KIRREL3: variants seen among roughly 807,000 people sequenced by gnomAD.
KIRREL3 encodes kin of IRRE-like protein 3.
A neutral mutation model predicts 89.7 loss-of-function variants in KIRREL3; 36 were observed. That is an observed-to-expected ratio of 0.40 (90% CI 0.31 to 0.53). The LOEUF (loss-of-function observed/expected upper bound fraction) is 0.53, where lower values mean the gene tolerates loss of function less well. Ranked by LOEUF, KIRREL3 falls within the 20% of genes least tolerant of loss-of-function variation. The probability of loss-of-function intolerance (pLI) is 0.49; values close to 1 mark genes in which losing one functional copy is unlikely to be tolerated. For synonymous variants in KIRREL3, 445 were observed against 441.4 expected (o/e 1.01, Z -0.10); for missense variants, 864 against 1,056.6 (o/e 0.82, Z 2.53).
At position 126,545,190 on chromosome 11, in the gene KIRREL3, G is replaced by A. The variant is rs138538117; in HGVS notation, c.133+17645C>T. Among the ~76,000 whole-genome samples the A allele has an allele frequency of 1.8e-4, 28 of 152,240 alleles. No homozygotes were observed. The East Asian group carries it at 3.1e-3, about 17-fold the overall frequency. On this transcript the variant is annotated intron_variant, in intron 2 of 16. Coordinates refer to ENST00000525144, the MANE Select transcript of KIRREL3 (RefSeq NM_032531.4). ...AGGTTTAAAACAATCTCTTCATCTC[G>A]GGAGAAGGAATGAGCCAAGATAACA...
chr11:126,735,976 T>A (rs1254778360), intron 1 of KIRREL3, among the ~76,000 whole-genome samples: 1 of 152,258 alleles, frequency 6.6e-6, no homozygotes, highest in East Asian at 1.9e-4. Flanking sequence ...TCTGGGTTTA[T>A]TCTCCAGTTA....
chr11:126,750,221 G>T lies in KIRREL3; in HGVS notation c.56-187309C>A, dbSNP rs1250103391. ...AGCCACTTTGTCAAACCTGGGGCCA[G>T]AACTTGGGGCCTTTATTTCTCAGTT... On this transcript the variant is annotated intron_variant, in intron 1 of 16. Transcript: ENST00000525144. The surrounding 1 kb of genome is among the most constrained non-coding windows in gnomAD (Gnocchi z 4.2). Among the ~76,000 whole-genome samples the T allele has an allele frequency of 6.6e-6, 1 of 152,186 alleles. No homozygotes were observed. The highest frequency in any genetic ancestry group is 1.5e-5 in the Non-Finnish European group (1 of 68,030).
chr11:126,753,226 G>A (rs996313459), intron 1 of KIRREL3, among the ~76,000 whole-genome samples: 1 of 152,182 alleles, frequency 6.6e-6, no homozygotes, highest in East Asian at 1.9e-4. Context: ...ACCAGAGGAG[G>A]CCTCACCACT....
intron 1 of KIRREL3, among the ~76,000 whole-genome samples, chr11:126,880,852 G>C (rs1557490): frequency 0.62 from 93,759 of 152,102 alleles, 30,417 homozygotes; most frequent in African/African-American, 0.82. Context: ...ATAGAAAGAG[G>C]CTTTGTGGAA....
intron 1 of KIRREL3, among the ~76,000 whole-genome samples, chr11:126,819,658 C>T (rs147799625): frequency 3.3e-5 from 5 of 152,334 alleles, no homozygotes; most frequent in East Asian, 3.9e-4. Context: ...GAGGCAGGAA[C>T]GCTCACATAC....
chr11:126,845,597 G>C (rs1443678817), intron 1 of KIRREL3, among the ~76,000 whole-genome samples: 1 of 152,144 alleles, frequency 6.6e-6, no homozygotes, highest in East Asian at 1.9e-4. Flanking sequence ...TTAGAAGCTT[G>C]ATCTTGTTAC....
chr11:126,734,665 GA>G lies in KIRREL3; in HGVS notation c.56-171754del, dbSNP rs368020107. ...ACAAGAGTGAAACTCTGTCTCAAAA[GA>G]AAAAAAAAAAGAAATTTAGTATTCT... is the stretch of plus-strand genomic sequence containing the variant. On this transcript the variant is annotated intron_variant, in intron 1 of 16. Coordinates refer to ENST00000525144, the MANE Select transcript of KIRREL3 (RefSeq NM_032531.4). The surrounding 1 kb of genome is among the most constrained non-coding windows in gnomAD (Gnocchi z 5.9). Among the ~76,000 whole-genome samples the G allele has an allele frequency of 3.0e-3, 407 of 137,908 alleles. No individual in the cohort carries two copies. Among genetic ancestry groups the G allele is most frequent in the Non-Finnish European group, 4.7e-3 (294 of 62,704 alleles). 90.5% of individuals were successfully genotyped at this position (137,908 alleles called of 152,430 possible).
intron 1 of KIRREL3, chr11:126,681,857 C>G: frequency 2.2e-6 from 1 of 454,648 alleles, no homozygotes; most frequent in Non-Finnish European, 4.4e-6. Context: ...TCCGGAAGGA[C>G]AAGAAGTACT....
At chr11:126,700,203 A>G (rs1947261214) in intron 1 of KIRREL3, among the ~76,000 whole-genome samples, 1 of 152,084 alleles carries the variant, frequency 6.6e-6, no homozygotes, top group East Asian at 1.9e-4. Context: ...CAAAAAAAAA[A>G]AAAAGAGAGA....
intron 1 of KIRREL3, among the ~76,000 whole-genome samples, chr11:126,600,938 T>A (rs565193998): frequency 4.6e-5 from 7 of 152,288 alleles, no homozygotes; most frequent in African/African-American, 1.4e-4. Context: ...ATTTTAGTTA[T>A]TTGCATATTC....
At chr11:126,951,332 T>C (rs531013063) in intron 1 of KIRREL3, among the ~76,000 whole-genome samples, 2 of 152,228 alleles carry the variant, frequency 1.3e-5, no homozygotes, top group Non-Finnish European at 1.5e-5. Flanking sequence ...TGGACTCTCA[T>C]ATTTTTACAT....
rs80336028 is a variant in KIRREL3 at position 126,683,322 on chromosome 11, C to T, written c.56-120410G>A. Among the ~76,000 whole-genome samples, 899 of 152,238 alleles carry T rather than the reference C, an allele frequency of 5.9e-3. 9 individuals are homozygous for T. Among genetic ancestry groups the T allele is most frequent in the Admixed American group, 9.3e-3 (142 of 15,294 alleles). ...GAGTTGGGGTTGTGAAATATTAGAA[C>T]GTGTGGATAGTCTGATGGTTTGCAA... is the stretch of plus-strand genomic sequence containing the variant. On this transcript the variant is annotated intron_variant, in intron 1 of 16. Coordinates refer to ENST00000525144, the MANE Select transcript of KIRREL3 (RefSeq NM_032531.4). This position sits in a 1 kb window ranked among gnomAD's most constrained non-coding sequence, Gnocchi z 5.2.
intron 3 of KIRREL3, among the ~76,000 whole-genome samples, chr11:126,524,983 G>C (rs572493129): frequency 6.0e-4 from 92 of 152,312 alleles, no homozygotes; most frequent in Admixed American, 1.6e-3. Context: ...TGTATGGAGA[G>C]GCAAACCGAG....
At position 126,724,449 on chromosome 11, in the gene KIRREL3, C is replaced by A. The variant is rs1948298519; in HGVS notation, c.56-161537G>T. 6.6e-6 allele frequency among the ~76,000 whole-genome samples: 1 copy of A among 152,118 alleles called. No homozygotes were observed. The highest frequency in any genetic ancestry group is 1.5e-5 in the Non-Finnish European group (1 of 68,014). Reference sequence around the variant, plus strand: ...AGTGAGTGAGCCAGCAGATGGACACCCTGGAGGTTCGGAGCCATGTCACTC... The same window carrying A: ...AGTGAGTGAGCCAGCAGATGGACACACTGGAGGTTCGGAGCCATGTCACTC... On this transcript the variant is annotated intron_variant, in intron 1 of 16. Transcript: ENST00000525144. This position sits in a 1 kb window ranked among gnomAD's most constrained non-coding sequence, Gnocchi z 4.3.
chr11:126,539,099 T>A (rs1055317850), intron 2 of KIRREL3, among the ~76,000 whole-genome samples: 2 of 152,224 alleles, frequency 1.3e-5, no homozygotes, highest in East Asian at 1.9e-4. Context: ...TGTGGGTCCC[T>A]GGGCAAATTG....
At chr11:126,633,172 A>T (rs1260722510) in intron 1 of KIRREL3, among the ~76,000 whole-genome samples, 1 of 152,046 alleles carries the variant, frequency 6.6e-6, no homozygotes. Flanking sequence ...GGCCATGCCG[A>T]GTCCCAAGTC....
intron 1 of KIRREL3, among the ~76,000 whole-genome samples, chr11:126,806,279 G>C (rs1446147948): frequency 6.6e-6 from 1 of 152,118 alleles, no homozygotes; most frequent in Admixed American, 6.6e-5. Context: ...TAATAGTGAG[G>C]CTAATAAAAA....
intron 1 of KIRREL3, among the ~76,000 whole-genome samples, chr11:126,790,572 A>AC (rs1209741068): frequency 6.6e-6 from 1 of 152,184 alleles, no homozygotes; most frequent in East Asian, 1.9e-4. Context: ...TTGTTAGGCA[A>AC]CCACCCAACC....
chr11:126,524,751 C>T (rs147558418), intron 3 of KIRREL3, among the ~76,000 whole-genome samples: 8 of 152,238 alleles, frequency 5.3e-5, no homozygotes, highest in Non-Finnish European at 1.0e-4. Context: ...ATCCCACAAC[C>T]CTGGGCCTCA....
Sources: allele counts gnomAD v4.1 joint callset (sites outside exome capture counted in the v4.1 genomes callset), GRCh38; gene constraint gnomAD v4.1.1; non-coding constraint Gnocchi (gnomAD v3.1); transcripts MANE v1.5; gene names NCBI Gene and HGNC (gene_info 2026-07-23, HGNC 2026-07-21).